TMEM38A: variants seen among roughly 807,000 people sequenced by gnomAD.
The protein encoded by TMEM38A is trimeric intracellular cation channel type A.
In TMEM38A, 17 loss-of-function variants were observed where a neutral mutation model predicts 28.6. The observed-to-expected ratio is 0.60, with a 90% confidence interval of 0.41 to 0.89. The LOEUF (loss-of-function observed/expected upper bound fraction) is 0.89. TMEM38A is among the 40% of genes least tolerant of loss of function. The pLI is 0.00. For synonymous variants in TMEM38A, 169 were observed against 166.1 expected (o/e 1.02, Z -0.14); for missense variants, 328 against 393.1 (o/e 0.83, Z 1.40).
chr19:16,666,570 G>A (rs1044059722), intron 1 of TMEM38A, among the ~76,000 whole-genome samples: 1 of 152,020 alleles, frequency 6.6e-6, no homozygotes, highest in Admixed American at 6.6e-5. Flanking sequence ...AACTGTGCCT[G>A]GCTGGGTGAG....
At chr19:16,680,826 A>C in intron 3 of TMEM38A, 1 of 508,376 alleles carries the variant, frequency 2.0e-6, no homozygotes, top group Non-Finnish European at 3.6e-6. Flanking sequence ...CAGCATTGCC[A>C]GAGCAGGTTT....
intron 1 of TMEM38A, among the ~76,000 whole-genome samples, chr19:16,675,857 C>T (rs779748072): frequency 2.0e-5 from 3 of 151,990 alleles, no homozygotes; most frequent in East Asian, 1.9e-4. Context: ...GCTCTAACCC[C>T]GTTCGTGAGG....
Position 16,686,554 on chromosome 19 carries a change from G to A in TMEM38A, c.672+149G>A. ...GGAGATGCTTGCCAGTAGGTCACTG[G>A]GAAGAGAGTTTAAAAGGCAGTGTCC... On this transcript the variant is annotated intron_variant, in intron 5 of 5. Coordinates refer to ENST00000187762, the MANE Select transcript of TMEM38A (RefSeq NM_024074.4). 4 of 642,624 alleles carry A rather than the reference G, an allele frequency of 6.2e-6. No individual in the cohort carries two copies. The East Asian group carries it at 1.1e-4, about 18-fold the overall frequency. 39.8% of individuals were successfully genotyped at this position (642,624 alleles called of 1,614,324 possible). A position where few individuals can be genotyped will look rare whatever the true frequency, so the allele number is the denominator to read the frequency against.
intron 4 of TMEM38A, among the ~76,000 whole-genome samples, chr19:16,685,198 C>A (rs1196868737): frequency 6.6e-6 from 1 of 151,852 alleles, no homozygotes; most frequent in Non-Finnish European, 1.5e-5. Flanking sequence ...ACCAGCCCGG[C>A]CGACATGGCG....
At chr19:16,682,533 C>T (rs1263955678) in intron 4 of TMEM38A, 25 bp downstream of exon 4, 1 of 1,604,386 alleles carries the variant, frequency 6.2e-7, no homozygotes, top group South Asian at 1.1e-5. Flanking sequence ...CCACCTCTCC[C>T]TCCATGCCTC....
intron 1 of TMEM38A, 58 bp from the exon 2 acceptor site, chr19:16,679,926 G>A (rs1336402213): frequency 3.3e-6 from 5 of 1,536,424 alleles, no homozygotes; most frequent in East Asian, 2.3e-5. Flanking sequence ...GAGCATATGG[G>A]AGTGAAGCCT....
chr19:16,663,961 C>T (rs2122572880), intron 1 of TMEM38A, among the ~76,000 whole-genome samples: 1 of 152,232 alleles, frequency 6.6e-6, no homozygotes, highest in South Asian at 2.1e-4. Context: ...TCAACCTCCT[C>T]CTTTCATAAC....
At chr19:16,666,042 T>G (rs10410119) in intron 1 of TMEM38A, among the ~76,000 whole-genome samples, 52,011 of 151,404 alleles carry the variant, frequency 0.34, 12,099 homozygotes, top group African/African-American at 0.66. Flanking sequence ...GTGCAGTGGC[T>G]CGATCCCGGC....
rs762325748 is a variant in TMEM38A at position 16,680,004 on chromosome 19, C to A, written c.145C>A (p.Arg49Ser). The change falls in exon 2 of 6, where the codon CGC (arginine) becomes AGC (serine). Residue 49 changes from arginine to serine, a missense_variant. Arg to Ser is a moderately radical substitution (Grantham distance 110). Coordinates refer to ENST00000187762, the MANE Select transcript of TMEM38A (RefSeq NM_024074.4). ...YEPGAVELSR[R>S]HPIASWLCAM... ...CCCAGGAGCAGTCGAACTGTCCCGG[C>A]GCCACCCCATCGCGTCCTGGCTGTG... 6.2e-7 allele frequency: 1 copy of A among 1,607,882 alleles called. No individual in the cohort carries two copies. Among genetic ancestry groups the A allele is most frequent in the Admixed American group, 1.7e-5 (1 of 59,946 alleles).
At chr19:16,677,732 AT>A (rs1318835340) in intron 1 of TMEM38A, among the ~76,000 whole-genome samples, 1 of 151,894 alleles carries the variant, frequency 6.6e-6, no homozygotes, top group South Asian at 2.1e-4. Flanking sequence ...AATTTTTAAA[AT>A]TTTTTGCAGA....
chr19:16,677,274 G>A (rs535769252), intron 1 of TMEM38A, among the ~76,000 whole-genome samples: 12 of 152,120 alleles, frequency 7.9e-5, no homozygotes, highest in Non-Finnish European at 1.8e-4. Context: ...TGTAATGATA[G>A]TGCATTATTA....
chr19:16,672,391 TACACTC>T (rs2086731227), intron 1 of TMEM38A, among the ~76,000 whole-genome samples: 2 of 149,096 alleles, frequency 1.3e-5, no homozygotes, highest in African/African-American at 2.5e-5. Flanking sequence ...TCACATAAAA[TACACTC>T]ACACTAACGA....
At chr19:16,680,166 C>T in intron 2 of TMEM38A, 26 bp downstream of exon 2, 6 of 1,600,658 alleles carry the variant, frequency 3.7e-6, no homozygotes, top group Non-Finnish European at 5.1e-6. Flanking sequence ...CATGGGAGAG[C>T]AGAGCCGGGT....
Position 16,680,010 on chromosome 19 carries a change from C to A in TMEM38A, c.151C>A (p.Pro51Thr), listed in dbSNP as rs779716932. The change falls in exon 2 of 6, where the codon CCC (proline) becomes ACC (threonine). Residue 51 changes from proline (P) to threonine (T), a missense_variant. Transcript: ENST00000187762. ...AGCAGTCGAACTGTCCCGGCGCCAC[C>A]CCATCGCGTCCTGGCTGTGCGCCAT... is the stretch of plus-strand genomic sequence containing the variant. Reference protein sequence around the residue: ...PGAVELSRRHPIASWLCAMLH... With the variant: ...PGAVELSRRHTIASWLCAMLH... 5.0e-6 allele frequency: 8 copies of A among 1,608,948 alleles called. No individual in the cohort carries two copies. In the South Asian group the frequency reaches 8.8e-5, roughly 18 times the overall value.
chr19:16,676,701 A>G (rs1470672135), intron 1 of TMEM38A, among the ~76,000 whole-genome samples: 1 of 151,856 alleles, frequency 6.6e-6, no homozygotes, highest in African/African-American at 2.4e-5. Flanking sequence ...ACAAGATGCA[A>G]GGATTTAGTG....
At chr19:16,681,358 A>G (rs987314568) in intron 3 of TMEM38A, among the ~76,000 whole-genome samples, 1 of 152,228 alleles carries the variant, frequency 6.6e-6, no homozygotes, top group Admixed American at 6.5e-5. Context: ...TTATAATGAT[A>G]AAAGGGTCAA....
At chr19:16,685,173 G>T (rs1308186248) in intron 4 of TMEM38A, among the ~76,000 whole-genome samples, 2 of 152,100 alleles carry the variant, frequency 1.3e-5, no homozygotes, top group East Asian at 3.9e-4. Context: ...GATTATTTGA[G>T]GTCAGGAGTT....
intron 1 of TMEM38A, among the ~76,000 whole-genome samples, chr19:16,673,068 CTTTT>C (rs1308745796): frequency 2.0e-5 from 3 of 150,782 alleles, no homozygotes; most frequent in African/African-American, 5.0e-5. Context: ...TTTTCTTTTT[CTTTT>C]TGTTTGTTTG....
chr19:16,665,128 C>G (rs2086697722), intron 1 of TMEM38A, among the ~76,000 whole-genome samples: 1 of 152,080 alleles, frequency 6.6e-6, no homozygotes, highest in African/African-American at 2.4e-5. Flanking sequence ...AACCCTGTCT[C>G]TACTAAAAAT....
Sources: allele counts gnomAD v4.1 joint callset (sites outside exome capture counted in the v4.1 genomes callset), GRCh38; gene constraint gnomAD v4.1.1; transcripts MANE v1.5; gene names NCBI Gene and HGNC (gene_info 2026-07-23, HGNC 2026-07-21).